PRR5L: variants seen among roughly 807,000 people sequenced by gnomAD.
The protein encoded by PRR5L is proline-rich protein 5-like.
A neutral mutation model predicts 36.4 loss-of-function variants in PRR5L; 21 were observed. The ratio of observed to expected loss-of-function variants is 0.58; its 90% CI spans 0.41 to 0.83. PRR5L has a LOEUF of 0.83. PRR5L is among the 40% of genes least tolerant of loss of function. The pLI is 0.00. For synonymous variants in PRR5L, 188 were observed against 197.0 expected, an observed-to-expected ratio of 0.95 and a Z score of 0.38; for missense variants, 381 against 473.3, an observed-to-expected ratio of 0.80 and a Z score of 1.81.
At chr11:36,320,808 G>A (rs959859937) in intron 1 of PRR5L, among the ~76,000 whole-genome samples, 2 of 152,184 alleles carry the variant, frequency 1.3e-5, no homozygotes, top group Non-Finnish European at 2.9e-5. Flanking sequence ...TTCCTCATCT[G>A]TAAAATGAGG....
intron 2 of PRR5L, 119 bp from the exon 3 acceptor site, chr11:36,403,179 G>A (rs7120381): frequency 0.16 from 115,730 of 720,622 alleles, 12,844 homozygotes; most frequent in African/African-American, 0.48. Context: ...GATGGAGAGT[G>A]TGGCCAGGTT....
At chr11:36,376,496 G>A in intron 1 of PRR5L, 1 of 1,066,566 alleles carries the variant, frequency 9.4e-7, no homozygotes, top group South Asian at 2.6e-5. Flanking sequence ...CCCCATCTGA[G>A]GGCAGAGCTG....
At chr11:36,451,432 C>A in intron 8 of PRR5L, 97 bp downstream of exon 8, 1 of 1,418,704 alleles carries the variant, frequency 7.0e-7, no homozygotes, top group Non-Finnish European at 9.7e-7. Flanking sequence ...GATACCAGCA[C>A]TGTTTAACTG....
At chr11:36,349,982 T>C (rs960472204) in intron 1 of PRR5L, 1 of 152,048 alleles carries the variant, frequency 6.6e-6, no homozygotes, top group Non-Finnish European at 1.5e-5. Flanking sequence ...TGAGAAGCTC[T>C]TCTACAAGGA....
chr11:36,431,981 G>T, intron 5 of PRR5L, 71 bp downstream of exon 5: 3 of 1,362,006 alleles, frequency 2.2e-6, no homozygotes, highest in Non-Finnish European at 3.2e-6. Flanking sequence ...CGGCTGAGAT[G>T]CTTCTGTCCA....
At position 36,373,979 on chromosome 11, in the gene PRR5L, G is replaced by C. The variant is rs1023616011; in HGVS notation, c.-125-27018G>C. On this transcript the variant is annotated intron_variant, in intron 1 of 8. Coordinates refer to ENST00000530639, the MANE Select transcript of PRR5L (RefSeq NM_001160167.2). ...AACATCAGATTTGTTTAACTGAACC[G>C]ATCCCTTATAGAGCTGATGTTCTAC... Among the ~76,000 whole-genome samples, 3 of 152,136 alleles carry C rather than the reference G, an allele frequency of 2.0e-5. No homozygotes were observed. The East Asian group carries it at 5.8e-4, about 29-fold the overall frequency.
intron 1 of PRR5L, among the ~76,000 whole-genome samples, chr11:36,393,463 C>T (rs988213882): frequency 1.6e-4 from 25 of 152,134 alleles, no homozygotes; most frequent in Admixed American, 5.9e-4. Context: ...TTCTTGGCAC[C>T]TTTGTCAAAA....
chr11:36,314,463 C>T (rs1856534891), intron 1 of PRR5L, among the ~76,000 whole-genome samples: 1 of 152,214 alleles, frequency 6.6e-6, no homozygotes, highest in Admixed American at 6.5e-5. Context: ...CTTCAACACA[C>T]ACATACATGC....
At chr11:36,321,600 T>C (rs567191608) in intron 1 of PRR5L, 14 of 152,398 alleles carry the variant, frequency 9.2e-5, no homozygotes, top group African/African-American at 3.4e-4. Flanking sequence ...AGAAGCAGCA[T>C]GCCCTGAAAG....
chr11:36,375,430 C>A (rs963698267), intron 1 of PRR5L, among the ~76,000 whole-genome samples: 5 of 152,066 alleles, frequency 3.3e-5, no homozygotes, highest in Admixed American at 1.3e-4. Context: ...TGCCCACAAC[C>A]ACCGTAACAC....
rs189010513 is a variant in PRR5L at position 36,375,488 on chromosome 11, T to G, written c.-125-25509T>G. 1.6e-3 allele frequency among the ~76,000 whole-genome samples: 249 copies of G among 152,116 alleles called. 1 individual carries two copies. Among genetic ancestry groups the G allele is most frequent in the Non-Finnish European group, 2.8e-3 (191 of 67,992 alleles). On this transcript the variant is annotated intron_variant, in intron 1 of 8. Transcript: ENST00000530639. ...GACCAAATCAAAAAATGAAAATGAG[T>G]CTTGCTCAGTTTTGAGATAAAAGGA...
intron 1 of PRR5L, among the ~76,000 whole-genome samples, chr11:36,335,641 A>C (rs74547163): frequency 0.057 from 8,721 of 152,248 alleles, 309 homozygotes; most frequent in African/African-American, 0.11. Flanking sequence ...CTCAAGGAGA[A>C]AAATTATTCT....
intron 1 of PRR5L, among the ~76,000 whole-genome samples, chr11:36,360,033 TCACACACACACA>T (rs34561988): frequency 1.4e-5 from 2 of 146,568 alleles, no homozygotes; most frequent in Non-Finnish European, 3.0e-5. Context: ...TGAGACTCTG[TCACACACACACA>T]CACACACACA....
At chr11:36,318,487 T>A (rs1856580635) in intron 1 of PRR5L, among the ~76,000 whole-genome samples, 1 of 146,130 alleles carries the variant, frequency 6.8e-6, no homozygotes, top group South Asian at 2.3e-4. Context: ...TGGTGTTCGT[T>A]TGGGCTCATT....
intron 1 of PRR5L, among the ~76,000 whole-genome samples, chr11:36,352,709 A>G (rs11033569): frequency 0.41 from 62,956 of 152,012 alleles, 13,614 homozygotes; most frequent in East Asian, 0.77. Context: ...AGTACTTGGC[A>G]CTCAGCTAAA....
chr11:36,394,666 G>T (rs1857621400), intron 1 of PRR5L, among the ~76,000 whole-genome samples: 1 of 152,178 alleles, frequency 6.6e-6, no homozygotes, highest in South Asian at 2.1e-4. Flanking sequence ...CTCTATGCGT[G>T]TCTGTGTCTT....
chr11:36,312,006 G>A (rs531509380), intron 1 of PRR5L, among the ~76,000 whole-genome samples: 2 of 152,180 alleles, frequency 1.3e-5, no homozygotes, highest in Non-Finnish European at 2.9e-5. Flanking sequence ...AAAATGGGAA[G>A]GAGTGAGAGG....
chr11:36,406,070 T>C (rs1857904177), intron 3 of PRR5L, among the ~76,000 whole-genome samples: 1 of 151,994 alleles, frequency 6.6e-6, no homozygotes, highest in Admixed American at 6.5e-5. Flanking sequence ...AGAGGTCTTA[T>C]GTTGGGAGAA....
chr11:36,460,058 T>A (rs1859147540), intron 8 of PRR5L, among the ~76,000 whole-genome samples: 1 of 152,232 alleles, frequency 6.6e-6, no homozygotes, highest in Admixed American at 6.5e-5. Flanking sequence ...GATATTTTGA[T>A]GTAGCATTTC....
Sources: allele counts gnomAD v4.1 joint callset (sites outside exome capture counted in the v4.1 genomes callset), GRCh38; gene constraint gnomAD v4.1.1; transcripts MANE v1.5; gene names NCBI Gene and HGNC (gene_info 2026-07-23, HGNC 2026-07-21).